PCSK5: variants seen among roughly 807,000 people sequenced by gnomAD.
PCSK5 encodes the protein proprotein convertase subtilisin/kexin type 5, also known as prohormone convertase 5.
Under a neutral mutation model 233.2 loss-of-function variants are expected in PCSK5, and 129 were observed. The observed-to-expected ratio is 0.55, with a 90% CI of 0.48 to 0.64. The LOEUF is 0.64. Among genes scored for constraint, PCSK5 ranks in the 30% least tolerant of loss-of-function variants. The pLI is 0.00. For missense variants in PCSK5, 2,076 were observed against 2,430.1 expected (o/e 0.85, Z 3.06); for synonymous variants, 825 against 879.2 (o/e 0.94, Z 1.09).
At chr9:76,021,609 A>C (rs1828193462) in intron 3 of PCSK5, among the ~76,000 whole-genome samples, 1 of 152,172 alleles carries the variant, frequency 6.6e-6, no homozygotes, top group Non-Finnish European at 1.5e-5. Flanking sequence ...CCTGTTCTCT[A>C]GGAAATCAAT....
At chr9:76,199,949 A>T (rs1374932237) in intron 20 of PCSK5, among the ~76,000 whole-genome samples, 1 of 152,100 alleles carries the variant, frequency 6.6e-6, no homozygotes, top group Non-Finnish European at 1.5e-5. Flanking sequence ...CTCCCACCTC[A>T]GTAAATGGCA....
At chr9:76,233,671 C>T in intron 22 of PCSK5, 75 bp downstream of exon 22, 1 of 1,396,238 alleles carries the variant, frequency 7.2e-7, no homozygotes, top group Non-Finnish European at 9.9e-7. Flanking sequence ...TTGGTTTGAC[C>T]CAAAAGCCTT....
In PCSK5 at chr9:76,290,246, G is replaced by T. The variant is rs146395281; in HGVS notation, c.3143-1987G>T. ...AGGGGAACCACTGGTGTTCACTGGG[G>T]CCTCTGCTGGCCCTTACAATGGGTT... On this transcript the variant is annotated intron_variant, in intron 24 of 37. Coordinates refer to ENST00000674117, the MANE Select transcript of PCSK5 (RefSeq NM_001372043.1). Among the ~76,000 whole-genome samples, 58 of 152,290 alleles carry T rather than the reference G, an allele frequency of 3.8e-4. 1 individual carries two copies. The highest frequency in any genetic ancestry group is 3.4e-3 in the Middle Eastern group (1 of 294).
At position 76,227,497 on chromosome 9, in the gene PCSK5, C is replaced by T; in HGVS notation, c.2627-6C>T. The T allele has an allele frequency of 6.2e-7, 1 of 1,600,056 alleles. No individual in the cohort carries two copies. Among genetic ancestry groups the T allele is most frequent in the Non-Finnish European group, 8.5e-7 (1 of 1,169,872 alleles). Reference sequence around the variant, plus strand: ...ATGAAATAAACAACTAGATTTTGTTCCCCAGGAGAATATGTTGATGAGCAT... The same window carrying T: ...ATGAAATAAACAACTAGATTTTGTTTCCCAGGAGAATATGTTGATGAGCAT... On this transcript the variant is annotated splice_polypyrimidine_tract_variant and splice_region_variant and intron_variant, in intron 20 of 37. Transcript: ENST00000674117.
rs558119862 is a variant in PCSK5, at chr9:76,016,165, A to G, written c.412-7573A>G. Reference sequence around the variant, plus strand: ...ACAAACTGTGTTAATGATACCTAACATGTAGTGCCAGAGGGCAAGTGGGGG... The same window carrying G: ...ACAAACTGTGTTAATGATACCTAACGTGTAGTGCCAGAGGGCAAGTGGGGG... On this transcript the variant is annotated intron_variant, in intron 3 of 37. Transcript: ENST00000674117. Among the ~76,000 whole-genome samples the G allele has an allele frequency of 2.4e-4, 36 of 152,316 alleles. No individual in the cohort carries two copies. The South Asian group carries it at 7.5e-3, about 32-fold the overall frequency.
chr9:76,207,920 G>A (rs531022063), intron 20 of PCSK5, among the ~76,000 whole-genome samples: 1 of 152,290 alleles, frequency 6.6e-6, no homozygotes, highest in East Asian at 1.9e-4. Flanking sequence ...TCATGGTCCT[G>A]GAGGCTGGAA....
chr9:76,040,372 TC>T (rs1288040062), intron 5 of PCSK5, among the ~76,000 whole-genome samples: 18 of 69,096 alleles, frequency 2.6e-4, no homozygotes, highest in Admixed American at 2.1e-3. Flanking sequence ...TCTCTCTCTC[TC>T]TCTCTCTCTC....
intron 12 of PCSK5, among the ~76,000 whole-genome samples, chr9:76,166,299 C>T (rs1292374305): frequency 2.0e-5 from 3 of 152,190 alleles, no homozygotes; most frequent in East Asian, 3.8e-4. Context: ...TGGAAAACTG[C>T]TTAGCCACAT....
At chr9:76,189,882 A>G in intron 20 of PCSK5, 136 bp downstream of exon 20, 2 of 575,894 alleles carry the variant, frequency 3.5e-6, no homozygotes, top group Non-Finnish European at 6.1e-6. Context: ...GGTGGCATTC[A>G]TTCATCTTGA....
chr9:76,096,090 C>T lies in PCSK5; in HGVS notation c.1095C>T (p.Tyr365=), dbSNP rs377474806. 12 of 1,612,636 alleles carry T rather than the reference C, an allele frequency of 7.4e-6. No individual in the cohort carries two copies. The highest frequency in any genetic ancestry group is 1.3e-5 in the African/African-American group (1 of 74,778). ...LATTYSSGES[Y]DKKIITTDLR... ...CAACCTACAGCAGCGGGGAGTCCTA[C>T]GATAAGAAAATCGTACGTGACATGT... Residue 365 remains tyrosine, a synonymous_variant, in exon 8 of 38, where the codon TAC becomes TAT. Transcript: ENST00000674117.
rs1308225226 is a variant in PCSK5, at chr9:76,289,510, C to CAT, written c.3143-2723_3143-2722insAT. ...ACACACACACACACACACACACACA[C>CAT]GCAACATACACACACACACACACAC... is the stretch of plus-strand genomic sequence containing the variant. On this transcript the variant is annotated intron_variant, in intron 24 of 37. Transcript: ENST00000674117. 8.4e-3 allele frequency among the ~76,000 whole-genome samples: 971 copies of CAT among 116,024 alleles called. 23 individuals carry two copies. The highest frequency in any genetic ancestry group is 0.034 in the Admixed American group (408 of 12,170). The allele number at this position is 116,024 out of a possible 152,430, so 76.1% of individuals were successfully genotyped here. A position where few individuals can be genotyped will look rare whatever the true frequency, so the allele number is the denominator to read the frequency against.
chr9:76,097,057 G>C (rs1203668882), intron 8 of PCSK5, among the ~76,000 whole-genome samples: 1 of 149,902 alleles, frequency 6.7e-6, no homozygotes, highest in African/African-American at 2.5e-5. Flanking sequence ...TAAGCCTCCC[G>C]AGTAGCTGGG....
intron 17 of PCSK5, among the ~76,000 whole-genome samples, chr9:76,187,283 T>G (rs950558042): frequency 1.3e-5 from 2 of 152,220 alleles, no homozygotes; most frequent in African/African-American, 4.8e-5. Context: ...CTAGTTTCAT[T>G]GATTTGGTAG....
chr9:76,271,665 A>G lies in PCSK5; in HGVS notation c.3143-20568A>G, dbSNP rs570020357. Among the ~76,000 whole-genome samples, 9 of 151,902 alleles carry G rather than the reference A, an allele frequency of 5.9e-5. No individual in the cohort carries two copies. The East Asian group carries it at 1.7e-3, about 29-fold the overall frequency. Reference sequence around the variant, plus strand: ...AGCCTGGGCAACATAGCAAGACCCCATTTCTAAAAAAAAAAAAATTAAAAA... The same window carrying G: ...AGCCTGGGCAACATAGCAAGACCCCGTTTCTAAAAAAAAAAAAATTAAAAA... On this transcript the variant is annotated intron_variant, in intron 24 of 37. Coordinates refer to ENST00000674117, the MANE Select transcript of PCSK5 (RefSeq NM_001372043.1).
At position 76,358,609 on chromosome 9, in the gene PCSK5, T is replaced by C; in HGVS notation, c.5351T>C (p.Leu1784Pro). ...TCCTCCATGATGCTGGTGCTTCTGCTCGGGGCAGCTGTGGTAGTGTGGAAG... is the reference window on the plus strand; with the variant it reads ...TCCTCCATGATGCTGGTGCTTCTGCCCGGGGCAGCTGTGGTAGTGTGGAAG... Reference protein sequence around the residue: ...ITSSMMLVLLLGAAVVVWKKS... With the variant: ...ITSSMMLVLLPGAAVVVWKKS... Residue 1784 changes from leucine (L) to proline (P), a missense_variant, in exon 38 of 38, where the codon CTC (leucine) becomes CCC (proline). Around this residue, in one of 6 missense-constraint regions of PCSK5, gnomAD observed 1,510 missense variants for 1,538.1 expected, o/e 0.98. Transcript: ENST00000674117. 6.2e-7 allele frequency: 1 copy of C among 1,612,652 alleles called. No individual in the cohort carries two copies. The highest frequency in any genetic ancestry group is 8.5e-7 in the Non-Finnish European group (1 of 1,179,862).
rs139646088 is a variant in PCSK5, at chr9:76,273,905, C to T, written c.3143-18328C>T. Among the ~76,000 whole-genome samples, 538 of 150,228 alleles carry T rather than the reference C, an allele frequency of 3.6e-3. 2 individuals carry two copies. The highest frequency in any genetic ancestry group is 0.012 in the African/African-American group (506 of 40,974). On this transcript the variant is annotated intron_variant, in intron 24 of 37. Transcript: ENST00000674117. Reference sequence around the variant, plus strand: ...TCAAGCAAGCCTCTTGCTTTGGACTCGCAAAGTGCTGTGATTGCCAGCATG... The same window carrying T: ...TCAAGCAAGCCTCTTGCTTTGGACTTGCAAAGTGCTGTGATTGCCAGCATG...
At chr9:76,027,166 A>C (rs1282965235) in intron 5 of PCSK5, 129 bp downstream of exon 5, 1 of 598,458 alleles carries the variant, frequency 1.7e-6, no homozygotes, top group Non-Finnish European at 3.0e-6. Context: ...AAGATTAACA[A>C]GTGTCTTTCC....
chr9:76,258,860 G>A (rs532508905), intron 24 of PCSK5, among the ~76,000 whole-genome samples: 17 of 152,226 alleles, frequency 1.1e-4, no homozygotes, highest in Non-Finnish European at 2.1e-4. Context: ...ATGGAAATCC[G>A]AACCATGAAG....
At chr9:76,352,695 C>T (rs115867712) in intron 36 of PCSK5, among the ~76,000 whole-genome samples, 3,501 of 152,096 alleles carry the variant, frequency 0.023, 116 homozygotes, top group African/African-American at 0.08. Context: ...ATTATGTTTT[C>T]GAACTTTAGA....
Sources: allele counts gnomAD v4.1 joint callset (sites outside exome capture counted in the v4.1 genomes callset), GRCh38; gene constraint gnomAD v4.1.1; regional missense constraint gnomAD v4.1.1; transcripts MANE v1.5; gene names NCBI Gene and HGNC (gene_info 2026-07-23, HGNC 2026-07-21).